Variants in DAB1 observed in about 807,000 individuals in gnomAD.
The protein encoded by DAB1 is DAB adaptor protein 1.
DAB1 carries 15 observed loss-of-function variants against 64.6 expected under a neutral mutation model. The ratio of observed to expected loss-of-function variants is 0.23; its 90% CI spans 0.16 to 0.36. The LOEUF (loss-of-function observed/expected upper bound fraction) is 0.36. DAB1 is among the 10% of genes least tolerant of loss of function. The pLI, the probability that DAB1 is intolerant of heterozygous loss-of-function variation, is 1.00. For synonymous variants in DAB1, 235 were observed against 251.9 expected, an observed-to-expected ratio of 0.93 and a Z score of 0.64; for missense variants, 596 against 706.7, an observed-to-expected ratio of 0.84 and a Z score of 1.78.
chr1:57,823,423 C>T (rs1369437714), downstream of DAB1, among the ~76,000 whole-genome samples: 1 of 151,982 alleles, frequency 6.6e-6, no homozygotes, highest in Non-Finnish European at 1.5e-5. Context: ...TGATGGCACA[C>T]CGGACCCCAT....
intron 6 of DAB1, among the ~76,000 whole-genome samples, chr1:57,772,660 C>T (rs1301342712): frequency 6.6e-6 from 1 of 152,054 alleles, no homozygotes; most frequent in Non-Finnish European, 1.5e-5. Context: ...ATTCTATTTG[C>T]TCCACATTGT....
chr1:57,568,584 AAAAC>A (rs1645152667), intron 7 of DAB1, among the ~76,000 whole-genome samples: 2 of 152,364 alleles, frequency 1.3e-5, no homozygotes, highest in African/African-American at 4.8e-5. Context: ...TTACAAGAAA[AAAAC>A]AAACAACCTC....
At chr1:58,082,390 T>C (rs1650048043) in intron 5 of DAB1, among the ~76,000 whole-genome samples, 1 of 151,410 alleles carries the variant, frequency 6.6e-6, no homozygotes, top group African/African-American at 2.4e-5. Flanking sequence ...TACAGAGCAT[T>C]GGAGAAAGAT....
chr1:58,342,316 G>T (rs1316052300), intron 4 of DAB1, among the ~76,000 whole-genome samples: 1 of 152,124 alleles, frequency 6.6e-6, no homozygotes, highest in Non-Finnish European at 1.5e-5. Context: ...ACTTGGAAGG[G>T]CCTATAAGAC....
chr1:57,278,424 C>T (rs1671639148), intron 2 of DAB1, among the ~76,000 whole-genome samples: 1 of 152,166 alleles, frequency 6.6e-6, no homozygotes, highest in South Asian at 2.1e-4. Context: ...ATAGAAAAGA[C>T]ACAGTCCTTG....
chr1:57,137,581 C>A (rs184008366), intron 3 of DAB1, among the ~76,000 whole-genome samples: 1 of 152,192 alleles, frequency 6.6e-6, no homozygotes, highest in Non-Finnish European at 1.5e-5. Flanking sequence ...GGGATCTACA[C>A]CCTGAGGTGC....
intron 7 of DAB1, among the ~76,000 whole-genome samples, chr1:57,460,895 T>A (rs192485043): frequency 3.5e-4 from 53 of 152,302 alleles, no homozygotes; most frequent in Admixed American, 1.4e-3. Flanking sequence ...CTGATTTTTT[T>A]AAATTTAATT....
At chr1:57,116,011 A>T (rs962578001) in intron 4 of DAB1, among the ~76,000 whole-genome samples, 1 of 152,158 alleles carries the variant, frequency 6.6e-6, no homozygotes, top group Non-Finnish European at 1.5e-5. Context: ...TGGGGTTGCC[A>T]GTCCATCTGT....
intron 7 of DAB1, among the ~76,000 whole-genome samples, chr1:57,569,256 C>CAAAAAAAAAAAAAAAAAAAA: frequency 1.5e-5 from 1 of 67,866 alleles, no homozygotes; most frequent in Non-Finnish European, 2.6e-5. Flanking sequence ...GACTCCGTCT[C>CAAAAAAAAAAAAAAAAAAAA]AAAAAAAAAA....
At chr1:58,544,892 C>T (rs1646676654) in intron 1 of DAB1, among the ~76,000 whole-genome samples, 1 of 152,184 alleles carries the variant, frequency 6.6e-6, no homozygotes, top group South Asian at 2.1e-4. Context: ...CCGCACCTGG[C>T]CAGCCCAGCT....
At chr1:57,130,609 C>T (rs571592701) in intron 4 of DAB1, among the ~76,000 whole-genome samples, 1 of 152,000 alleles carries the variant, frequency 6.6e-6, no homozygotes, top group African/African-American at 2.4e-5. Flanking sequence ...ATTTGGAGAA[C>T]ATGGACGAGC....
intron 6 of DAB1, among the ~76,000 whole-genome samples, chr1:57,798,654 A>G (rs748555307): frequency 1.3e-5 from 2 of 152,240 alleles, no homozygotes; most frequent in Non-Finnish European, 2.9e-5. Flanking sequence ...CTTTCTGCCT[A>G]TAACATGTCC....
intron 3 of DAB1, among the ~76,000 whole-genome samples, chr1:58,373,169 C>CTTT (rs201654648): frequency 0.095 from 13,130 of 138,562 alleles, 587 homozygotes; most frequent in Middle Eastern, 0.13. Context: ...TTACTATTTT[C>CTTT]TTTTTTTTTT....
intron 1 of DAB1, among the ~76,000 whole-genome samples, chr1:58,528,168 T>C (rs1353512532): frequency 6.6e-6 from 1 of 152,230 alleles, no homozygotes; most frequent in East Asian, 1.9e-4. Context: ...ATGATGTATA[T>C]CATATAATGC....
At chr1:57,555,395 T>G (rs1392673166) in intron 7 of DAB1, among the ~76,000 whole-genome samples, 1 of 149,722 alleles carries the variant, frequency 6.7e-6, no homozygotes, top group Non-Finnish European at 1.5e-5. Flanking sequence ...CTCTGGGTTT[T>G]TTTTTTTTTT....
At chr1:57,450,357 C>T (rs1185588980) in intron 7 of DAB1, among the ~76,000 whole-genome samples, 1 of 152,150 alleles carries the variant, frequency 6.6e-6, no homozygotes, top group Non-Finnish European at 1.5e-5. Context: ...AGAGAAATAG[C>T]TTTCCAAATA....
At chr1:57,615,761 A>T (rs1645784481) in intron 7 of DAB1, among the ~76,000 whole-genome samples, 1 of 152,236 alleles carries the variant, frequency 6.6e-6, no homozygotes, top group Non-Finnish European at 1.5e-5. Flanking sequence ...ATTCTTAGTG[A>T]TACTGCAAAC....
At chr1:58,060,412 G>A (rs566337666) in intron 5 of DAB1, 19 of 152,250 alleles carry the variant, frequency 1.2e-4, no homozygotes, top group African/African-American at 3.9e-4. Context: ...AGATAGACCA[G>A]TTTTTCACCC....
intron 5 of DAB1, among the ~76,000 whole-genome samples, chr1:58,027,667 G>A (rs74903683): frequency 0.013 from 2,040 of 152,078 alleles, 40 homozygotes; most frequent in African/African-American, 0.043. Context: ...GTGTGACTTT[G>A]AGCTATTTAT....
Sources: allele counts gnomAD v4.1 joint callset (sites outside exome capture counted in the v4.1 genomes callset), GRCh38; gene constraint gnomAD v4.1.1; transcripts MANE v1.5; gene names NCBI Gene and HGNC (gene_info 2026-07-23, HGNC 2026-07-21).